Variants in USP28 observed in about 807,000 individuals in gnomAD.
The protein encoded by USP28 is ubiquitin carboxyl-terminal hydrolase 28.
USP28 carries 113 observed loss-of-function variants against 145.0 expected under a neutral mutation model. That is an observed-to-expected ratio of 0.78 (90% confidence interval 0.67 to 0.91). USP28 has a LOEUF of 0.91. Ranked by LOEUF, USP28 falls within the 40% of genes least tolerant of loss-of-function variation. The pLI is 0.00. For missense variants in USP28, 1,201 were observed against 1,289.6 expected (o/e 0.93, Z 1.05); for synonymous variants, 447 against 450.9 (o/e 0.99, Z 0.11).
chr11:113,854,463 C>T (rs988689987), intron 1 of USP28, 128 bp from the exon 2 acceptor site: 14 of 751,012 alleles, frequency 1.9e-5, no homozygotes, highest in East Asian at 2.9e-5. Context: ...GTGCAGTGGC[C>T]GGATCTCGGC....
chr11:113,827,193 G>GT lies in USP28; in HGVS notation c.1187+39dup, dbSNP rs765707405. The stretch of plus-strand genomic sequence containing the variant: ...TTAGTACGTGCTCATCTCTACTGCT[G>GT]TAATACCTCAGGAAAAAAAAAAATC... On this transcript the variant is annotated intron_variant, in intron 11 of 24. Transcript: ENST00000003302. 205 of 1,586,094 alleles carry GT rather than the reference G, an allele frequency of 1.3e-4. 1 individual carries two copies. The highest frequency in any genetic ancestry group is 1.7e-4 in the Non-Finnish European group (198 of 1,170,666).
chr11:113,802,871 G>A (rs933779360), intron 23 of USP28, among the ~76,000 whole-genome samples: 1 of 152,150 alleles, frequency 6.6e-6, no homozygotes, highest in African/African-American at 2.4e-5. Flanking sequence ...TTACAACCTA[G>A]TAGGAAAGCA....
At chr11:113,875,337 G>T in intron 1 of USP28, 108 bp downstream of exon 1, 11 of 957,130 alleles carry the variant, frequency 1.1e-5, no homozygotes, top group Non-Finnish European at 1.4e-5. Context: ...TGTCCCGCCC[G>T]GCCGGGGCGC....
intron 3 of USP28, among the ~76,000 whole-genome samples, chr11:113,842,630 AAT>A (rs1481771535): frequency 5.9e-5 from 9 of 151,998 alleles, no homozygotes; most frequent in African/African-American, 9.7e-5. Flanking sequence ...AGGAAAAAAA[AAT>A]GAGTTAATAC....
intron 5 of USP28, among the ~76,000 whole-genome samples, chr11:113,839,699 G>A (rs969462904): frequency 3.3e-5 from 5 of 152,090 alleles, no homozygotes; most frequent in Non-Finnish European, 5.9e-5. Flanking sequence ...GACCAACCTG[G>A]CCAACATGGC....
chr11:113,859,587 A>G (rs1947423920), intron 1 of USP28: 1 of 151,782 alleles, frequency 6.6e-6, no homozygotes, highest in Admixed American at 6.6e-5. Context: ...CCGCACTCCA[A>G]ATCCTCGTAC....
At chr11:113,840,520 G>T in intron 5 of USP28, 78 bp downstream of exon 5, 1 of 1,513,922 alleles carries the variant, frequency 6.6e-7, no homozygotes, top group Non-Finnish European at 8.9e-7. Flanking sequence ...TCCTTTGAAA[G>T]CTATGTTTCT....
rs10524675 is a variant in USP28 at position 113,822,458 on chromosome 11, C to CAGAGAGAGAGAGAG, written c.1283+1133_1283+1146dup. 212 of 136,448 alleles carry CAGAGAGAGAGAGAG rather than the reference C, an allele frequency of 1.6e-3. 1 individual carries two copies. Among genetic ancestry groups the CAGAGAGAGAGAGAG allele is most frequent in the African/African-American group, 4.3e-3 (150 of 34,952 alleles). 8.5% of individuals were successfully genotyped at this position (136,448 alleles called of 1,614,324 possible). On this transcript the variant is annotated intron_variant, in intron 12 of 24. Transcript: ENST00000003302. ...AGCGACACTCCATCTTCAAAAAAAA[C>CAGAGAGAGAGAGAG]AGAGAGAGAGAGAGAGAGAGAGAGA...
At chr11:113,807,243 T>C (rs1940150184) in intron 18 of USP28, among the ~76,000 whole-genome samples, 1 of 152,120 alleles carries the variant, frequency 6.6e-6, no homozygotes, top group South Asian at 2.1e-4. Flanking sequence ...CAGCTAATTT[T>C]TGTATTTTTA....
intron 14 of USP28, 102 bp downstream of exon 14, chr11:113,815,072 G>A: frequency 2.0e-6 from 2 of 1,017,114 alleles, no homozygotes; most frequent in Non-Finnish European, 2.9e-6. Flanking sequence ...AAATTCTGTA[G>A]CATGTACAGT....
Position 113,808,155 on chromosome 11 carries a change from GAGAAAGAGTA to G in USP28, c.2304+133_2304+142del. ...CTTTAAGCTGTGGCAGCAGAGTGGG[GAGAAAGAGTA>G]AGAAAAAACAGGAGAAATAAATAGG... On this transcript the variant is annotated intron_variant, in intron 18 of 24. Transcript: ENST00000003302. The G allele has an allele frequency of 6.6e-7, 1 of 1,519,924 alleles. No homozygotes were observed. The highest frequency in any genetic ancestry group is 8.8e-7 in the Non-Finnish European group (1 of 1,141,748). The allele number at this position is 1,519,924 out of a possible 1,614,324, so 94.2% of individuals were successfully genotyped here. A position where few individuals can be genotyped will look rare whatever the true frequency, so the allele number is the denominator to read the frequency against.
chr11:113,800,610 A>G (rs1938821355), intron 24 of USP28, among the ~76,000 whole-genome samples: 1 of 152,168 alleles, frequency 6.6e-6, no homozygotes, highest in Non-Finnish European at 1.5e-5. Flanking sequence ...GAGTATCTCT[A>G]TGTCAGTGAG....
intron 1 of USP28, among the ~76,000 whole-genome samples, chr11:113,866,550 A>G (rs1288093773): frequency 6.6e-6 from 1 of 152,270 alleles, no homozygotes; most frequent in Admixed American, 6.5e-5. Flanking sequence ...GACACTTAAC[A>G]TTAGCCATAA....
At chr11:113,873,746 G>A (rs1187527094) in intron 1 of USP28, among the ~76,000 whole-genome samples, 3 of 108,738 alleles carry the variant, frequency 2.8e-5, no homozygotes, top group South Asian at 3.8e-4. Flanking sequence ...CATTTCAATA[G>A]GCACTTGTGA....
chr11:113,864,718 G>A (rs922120124), intron 1 of USP28, among the ~76,000 whole-genome samples: 5 of 152,160 alleles, frequency 3.3e-5, no homozygotes, highest in African/African-American at 1.2e-4. Flanking sequence ...AGTTCAAACT[G>A]CTCTACACAG....
At chr11:113,839,507 C>T (rs959849116) in intron 5 of USP28, among the ~76,000 whole-genome samples, 2 of 152,240 alleles carry the variant, frequency 1.3e-5, no homozygotes, top group South Asian at 2.1e-4. Context: ...ATCCCTTGAA[C>T]CTGGGAGGCA....
exon 5 of USP28, chr11:113,840,674 T>C: frequency 6.2e-7 from 1 of 1,614,206 alleles, no homozygotes. Flanking sequence ...TCTCCTCCAG[T>C]CATTGGGATT....
At chr11:113,817,380 G>A (rs1488843935) in intron 13 of USP28, among the ~76,000 whole-genome samples, 1 of 152,184 alleles carries the variant, frequency 6.6e-6, no homozygotes, top group Non-Finnish European at 1.5e-5. Flanking sequence ...CAGCTGGCTT[G>A]TAGTTCAAAA....
intron 13 of USP28, 82 bp from the exon 14 acceptor site, chr11:113,815,464 G>A: frequency 7.6e-7 from 1 of 1,318,920 alleles, no homozygotes; most frequent in Non-Finnish European, 1.1e-6. Flanking sequence ...AAAGCAAGAT[G>A]CTATATGAAA....
Sources: gnomAD v4.1 joint callset for allele counts (sites outside exome capture counted in the v4.1 genomes callset) on GRCh38, gnomAD v4.1.1 for gene constraint, MANE v1.5 for transcripts, NCBI Gene and HGNC (gene_info 2026-07-23, HGNC 2026-07-21) for gene names.